GPR35: variants seen among roughly 807,000 people sequenced by gnomAD.
GPR35 encodes G protein-coupled receptor 35.
For synonymous variants in GPR35, 207 were observed against 198.4 expected (o/e 1.04, Z -0.36); for missense variants, 372 against 422.5 (o/e 0.88, Z 1.05).
chr2:240,605,959 C>G (rs1305229290), intron 1 of GPR35, among the ~76,000 whole-genome samples: 1 of 152,198 alleles, frequency 6.6e-6, no homozygotes, highest in Non-Finnish European at 1.5e-5. Flanking sequence ...GGCAGGCAGG[C>G]TGACCTGGGA....
At chr2:240,616,676 C>T (rs112514800) in intron 3 of GPR35, among the ~76,000 whole-genome samples, 2,782 of 149,306 alleles carry the variant, frequency 0.019, 41 homozygotes, top group Non-Finnish European at 0.027. Flanking sequence ...ATTCCTGCCT[C>T]CTGCTGTCAT....
chr2:240,631,817 C>T lies in GPR35; in HGVS notation c.*935C>T, dbSNP rs1019245471. 4.6e-5 allele frequency among the ~76,000 whole-genome samples: 7 copies of T among 152,358 alleles called. No homozygotes were observed. Among genetic ancestry groups the T allele is most frequent in the East Asian group, 1.9e-4 (1 of 5,178 alleles). On this transcript the variant is annotated 3_prime_UTR_variant, in exon 2 of 2. Coordinates refer to ENST00000407714, the MANE Select transcript of GPR35 (RefSeq NM_005301.5). ...GACCTCCTGTGAGTGTGGGCCAGCA[C>T]GGCCTGGGCTCAAACCCCATCCTGT...
At chr2:240,605,510 C>A (rs765074696) in exon 1 of GPR35, 1 of 152,276 alleles carries the variant, frequency 6.6e-6, no homozygotes, top group Admixed American at 6.5e-5. Flanking sequence ...CTGATACTGC[C>A]GTCTTCTCTT....
chr2:240,619,942 G>A (rs2043275111), intron 5 of GPR35, among the ~76,000 whole-genome samples: 1 of 152,208 alleles, frequency 6.6e-6, no homozygotes, highest in South Asian at 2.1e-4. Flanking sequence ...TCTCTCTGCT[G>A]AGAAGGGAGG....
At chr2:240,609,921 T>C (rs1259784493) in intron 2 of GPR35, among the ~76,000 whole-genome samples, 2 of 152,210 alleles carry the variant, frequency 1.3e-5, no homozygotes, top group Non-Finnish European at 2.9e-5. Flanking sequence ...TTAGAATTGT[T>C]AGATATTCTT....
At position 240,630,345 on chromosome 2, in the gene GPR35, G is replaced by C. The variant is rs1388185357; in HGVS notation, c.393G>C (p.Arg131Ser). The change falls in exon 2 of 2, where the codon AGG becomes AGC. Residue 131 changes from arginine to serine, a missense_variant. Coordinates refer to ENST00000407714, the MANE Select transcript of GPR35 (RefSeq NM_005301.5). The stretch of plus-strand genomic sequence containing the variant: ...GTGCCCGCGGGCTGCGGTCCCCCAG[G>C]CAGGCTGCGGCCGTGTGCGCGGTCC... ...PLRARGLRSPRQAAAVCAVLW... is the reference protein window; with the variant it reads ...PLRARGLRSPSQAAAVCAVLW... The C allele has an allele frequency of 6.2e-7, 1 of 1,600,664 alleles. No homozygotes were observed. The highest frequency in any genetic ancestry group is 1.1e-5 in the South Asian group (1 of 90,918).
chr2:240,620,941 A>G (rs2043286499), upstream of GPR35, among the ~76,000 whole-genome samples: 1 of 152,214 alleles, frequency 6.6e-6, no homozygotes, highest in Non-Finnish European at 1.5e-5. Context: ...AGCCCCTCAC[A>G]GTGACACCGC....
At chr2:240,623,926 G>C (rs988474138), upstream of GPR35, among the ~76,000 whole-genome samples, 6 of 152,092 alleles carry the variant, frequency 3.9e-5, no homozygotes, top group African/African-American at 1.4e-4. Flanking sequence ...AGGCCTGGTG[G>C]GGACGGGGTG....
chr2:240,609,307 T>C (rs924151059), intron 2 of GPR35, among the ~76,000 whole-genome samples: 2 of 152,020 alleles, frequency 1.3e-5, no homozygotes, highest in Non-Finnish European at 2.9e-5. Context: ...TCTTAGGTAA[T>C]GATTTTAGAC....
At chr2:240,605,704 G>T (rs149520616) in intron 1 of GPR35, 1 of 152,298 alleles carries the variant, frequency 6.6e-6, no homozygotes, top group Non-Finnish European at 1.5e-5. Flanking sequence ...CTTTGGGCTC[G>T]TGCTTTCTTC....
At chr2:240,619,893 C>T (rs1052792325) in intron 5 of GPR35, among the ~76,000 whole-genome samples, 2 of 152,176 alleles carry the variant, frequency 1.3e-5, no homozygotes, top group South Asian at 4.1e-4. Context: ...GACAGGAGGG[C>T]GAGTGAGTTG....
At chr2:240,610,109 A>G (rs1388828718) in intron 2 of GPR35, among the ~76,000 whole-genome samples, 3 of 151,732 alleles carry the variant, frequency 2.0e-5, no homozygotes, top group Non-Finnish European at 4.4e-5. Context: ...ACAGGTGCCC[A>G]CCACTGCGCC....
chr2:240,616,181 G>A lies in GPR35; in HGVS notation c.-576-207G>A, dbSNP rs147387321. On this transcript the variant is annotated intron_variant, in intron 2 of 5. Coordinates refer to the GPR35 transcript ENST00000319838. ...GGCAAAAATGGGACGTAGAGGAGCC[G>A]GCACCTTTTTCCTTCTGTTTGCCTC... Among the ~76,000 whole-genome samples, 82 of 152,204 alleles carry A rather than the reference G, an allele frequency of 5.4e-4. No individual in the cohort carries two copies. In the Middle Eastern group the frequency reaches 0.017, roughly 32 times the overall value.
upstream of GPR35, among the ~76,000 whole-genome samples, chr2:240,621,076 G>A (rs186477070): frequency 2.6e-5 from 4 of 152,236 alleles, no homozygotes; most frequent in African/African-American, 9.6e-5. Context: ...AGAAGAGGGA[G>A]GTGTACTCAC....
chr2:240,606,797 G>A (rs899046197), intron 2 of GPR35, among the ~76,000 whole-genome samples: 1 of 152,232 alleles, frequency 6.6e-6, no homozygotes, highest in African/African-American at 2.4e-5. Flanking sequence ...AAGAGCTGAG[G>A]CTGGAGATGT....
chr2:240,613,942 A>G (rs1353910583), intron 2 of GPR35, among the ~76,000 whole-genome samples: 1 of 151,730 alleles, frequency 6.6e-6, no homozygotes, highest in Non-Finnish European at 1.5e-5. Context: ...CGAAACTCTA[A>G]CCCTAACCCT....
At chr2:240,612,609 G>T (rs1173448785) in intron 2 of GPR35, among the ~76,000 whole-genome samples, 1 of 152,184 alleles carries the variant, frequency 6.6e-6, no homozygotes, top group East Asian at 1.9e-4. Flanking sequence ...CCAGATTTCA[G>T]CAGGTGGACC....
upstream of GPR35, among the ~76,000 whole-genome samples, chr2:240,623,079 G>T (rs181505262): frequency 0.011 from 1,722 of 152,310 alleles, 15 homozygotes; most frequent in Admixed American, 0.018. Flanking sequence ...GGGCGCCGAC[G>T]ACGACTGAGC....
rs904103223 is a variant in GPR35 at position 240,632,310 on chromosome 2, G to A, written c.*1428G>A. On this transcript the variant is annotated 3_prime_UTR_variant, in exon 2 of 2. Transcript: ENST00000407714. ...TGCCCGGGAGAGTCACGTGCACAGA[G>A]GGCCCTGTGCTCAGGAGGATACATG... 2.0e-5 allele frequency among the ~76,000 whole-genome samples: 3 copies of A among 150,212 alleles called. No individual in the cohort carries two copies. Among genetic ancestry groups the A allele is most frequent in the Admixed American group, 2.0e-4 (3 of 15,130 alleles).
Sources: allele counts gnomAD v4.1 joint callset (sites outside exome capture counted in the v4.1 genomes callset), GRCh38; gene constraint gnomAD v4.1.1; transcripts MANE v1.5; gene names NCBI Gene and HGNC (gene_info 2026-07-23, HGNC 2026-07-21).